Variants in DNAJC24 observed in about 807,000 individuals in gnomAD.
The protein encoded by DNAJC24 is dnaJ homolog subfamily C member 24.
Under a neutral mutation model 18.0 loss-of-function variants are expected in DNAJC24, and 17 were observed. The observed-to-expected ratio is 0.94, with a 90% CI of 0.65 to 1.42. The LOEUF is 1.42. Among genes scored for constraint, DNAJC24 ranks in the 40% most tolerant of loss-of-function variants. The probability of loss-of-function intolerance (pLI) is 0.00; values close to 1 mark genes in which losing one functional copy is unlikely to be tolerated. For synonymous variants in DNAJC24, 55 were observed against 57.7 expected, an observed-to-expected ratio of 0.95 and a Z score of 0.21; for missense variants, 158 against 175.6, an observed-to-expected ratio of 0.90 and a Z score of 0.57.
intron 3 of DNAJC24, 174 bp downstream of exon 3, chr11:31,415,123 T>G: frequency 3.2e-6 from 2 of 632,870 alleles, no homozygotes; most frequent in Non-Finnish European, 4.9e-6. Flanking sequence ...CTATTGTGTA[T>G]CCATTGAGAA....
chr11:31,381,623 G>A (rs56353492), intron 2 of DNAJC24, among the ~76,000 whole-genome samples: 2,965 of 149,198 alleles, frequency 0.02, 84 homozygotes, highest in African/African-American at 0.069. Context: ...CACCCGAGCT[G>A]GAGTACAGGG....
chr11:31,421,417 G>C (rs1323144875), intron 3 of DNAJC24, among the ~76,000 whole-genome samples: 1 of 152,168 alleles, frequency 6.6e-6, no homozygotes, highest in Admixed American at 6.5e-5. Flanking sequence ...AACAAACACA[G>C]TGGACTAATT....
At chr11:31,371,679 A>G (rs1257049065) in intron 2 of DNAJC24, among the ~76,000 whole-genome samples, 2 of 151,900 alleles carry the variant, frequency 1.3e-5, no homozygotes, top group Admixed American at 6.6e-5. Context: ...GCATGCATGT[A>G]TTTGCACATA....
intron 2 of DNAJC24, chr11:31,385,145 C>T (rs917819233): frequency 1.3e-5 from 2 of 152,028 alleles, no homozygotes; most frequent in South Asian, 2.1e-4. Context: ...TTCTTCATAT[C>T]GGGTTTTTAG....
chr11:31,422,536 T>A (rs1401907027), intron 3 of DNAJC24, among the ~76,000 whole-genome samples: 1 of 152,232 alleles, frequency 6.6e-6, no homozygotes, highest in Non-Finnish European at 1.5e-5. Context: ...ACCCTTTTAG[T>A]AGTGTCATGT....
At chr11:31,402,939 A>T (rs1263592290) in intron 2 of DNAJC24, among the ~76,000 whole-genome samples, 8 of 152,122 alleles carry the variant, frequency 5.3e-5, no homozygotes, top group African/African-American at 1.9e-4. Context: ...GCTCCATTAT[A>T]ATCTTATGGG....
intron 3 of DNAJC24, among the ~76,000 whole-genome samples, chr11:31,417,505 C>A (rs1239207676): frequency 6.6e-6 from 1 of 151,898 alleles, no homozygotes; most frequent in Non-Finnish European, 1.5e-5. Context: ...GATAGGTTAC[C>A]GAGAGAGAGA....
intron 2 of DNAJC24, among the ~76,000 whole-genome samples, chr11:31,394,118 A>G (rs1952523363): frequency 6.6e-6 from 1 of 152,210 alleles, no homozygotes; most frequent in Admixed American, 6.5e-5. Flanking sequence ...TTTCCCCATA[A>G]GGCACATCAT....
chr11:31,420,520 G>C (rs1952793364), intron 3 of DNAJC24, among the ~76,000 whole-genome samples: 1 of 152,056 alleles, frequency 6.6e-6, no homozygotes, highest in Admixed American at 6.6e-5. Context: ...ACTAATAATG[G>C]ATTGGTTTTT....
chr11:31,393,675 C>G (rs1280831984), intron 2 of DNAJC24, among the ~76,000 whole-genome samples: 1 of 152,098 alleles, frequency 6.6e-6, no homozygotes. Context: ...CCTGCTTGTA[C>G]CTTGATCTTG....
At chr11:31,407,613 AG>A (rs1211429529) in intron 2 of DNAJC24, 1 of 143,976 alleles carries the variant, frequency 6.9e-6, no homozygotes, top group Non-Finnish European at 1.5e-5. Context: ...TGAGCCTGGG[AG>A]GCAGAGGTTG....
At chr11:31,400,176 G>T (rs189818672) in intron 2 of DNAJC24, among the ~76,000 whole-genome samples, 70 of 152,230 alleles carry the variant, frequency 4.6e-4, no homozygotes, top group Non-Finnish European at 7.9e-4. Flanking sequence ...AGGCATCTGG[G>T]TTGGTTCAAG....
intron 2 of DNAJC24, chr11:31,408,118 A>G (rs1952673483): frequency 6.6e-6 from 3 of 455,946 alleles, no homozygotes; most frequent in African/African-American, 6.0e-5. Context: ...AGGTTATTGG[A>G]TTTTTTCCCC....
chr11:31,390,525 G>A (rs1952483309), intron 2 of DNAJC24, among the ~76,000 whole-genome samples: 1 of 150,942 alleles, frequency 6.6e-6, no homozygotes, highest in African/African-American at 2.4e-5. Context: ...AGCCATTATA[G>A]TGAAACCTTG....
chr11:31,408,818 TA>T (rs1952678825), intron 2 of DNAJC24, among the ~76,000 whole-genome samples: 1 of 152,214 alleles, frequency 6.6e-6, no homozygotes, highest in Admixed American at 6.5e-5. Context: ...GGAAATTACT[TA>T]GATCATACAG....
chr11:31,390,362 C>A (rs1194766968), intron 2 of DNAJC24, among the ~76,000 whole-genome samples: 1 of 137,456 alleles, frequency 7.3e-6, no homozygotes, highest in Non-Finnish European at 1.5e-5. Context: ...TGCCACTACA[C>A]GCCAGCCTGG....
intron 3 of DNAJC24, among the ~76,000 whole-genome samples, chr11:31,419,526 T>A (rs1295627156): frequency 2.0e-5 from 3 of 152,052 alleles, no homozygotes; most frequent in African/African-American, 7.2e-5. Context: ...TGAGTAAAAA[T>A]TTGGCTACCT....
At chr11:31,403,740 A>C (rs184463123) in intron 2 of DNAJC24, among the ~76,000 whole-genome samples, 3 of 152,282 alleles carry the variant, frequency 2.0e-5, no homozygotes, top group Admixed American at 6.5e-5. Context: ...AAAACAACTC[A>C]GGGCCGTATA....
At chr11:31,401,376 TCTC>T (rs1457320581) in intron 2 of DNAJC24, among the ~76,000 whole-genome samples, 2 of 152,090 alleles carry the variant, frequency 1.3e-5, no homozygotes, top group Admixed American at 6.5e-5. Context: ...TTTAGCCTCT[TCTC>T]TCTCTTTTTC....
Sources: gnomAD v4.1 joint callset for allele counts (sites outside exome capture counted in the v4.1 genomes callset) on GRCh38, gnomAD v4.1.1 for gene constraint, MANE v1.5 for transcripts, NCBI Gene and HGNC (gene_info 2026-07-23, HGNC 2026-07-21) for gene names.